The following CSMD1 variants were observed in gnomAD, a reference collection of about 807,000 sequenced individuals.
CSMD1 encodes the protein CUB and sushi domain-containing protein 1.
CSMD1 carries 213 observed loss-of-function variants against 417.5 expected under a neutral mutation model. That is an observed-to-expected ratio of 0.51 (90% CI 0.46 to 0.57). CSMD1 has a LOEUF of 0.57. CSMD1 is among the 20% of genes least tolerant of loss of function. CSMD1 has a pLI of 0.00. For missense variants in CSMD1, 6,923 were observed against 4,529.7 expected (o/e 1.53, Z -15.17); for synonymous variants, 2,862 against 1,736.8 (o/e 1.65, Z -16.11).
intron 3 of CSMD1, among the ~76,000 whole-genome samples, chr8:4,136,012 A>G (rs1190908139): frequency 6.6e-6 from 1 of 152,202 alleles, no homozygotes; most frequent in African/African-American, 2.4e-5. Context: ...ATTCAATTTC[A>G]AAAAATATTA....
At chr8:3,948,815 T>C (rs941509762) in intron 5 of CSMD1, among the ~76,000 whole-genome samples, 2 of 140,336 alleles carry the variant, frequency 1.4e-5, no homozygotes, top group Admixed American at 1.5e-4. Flanking sequence ...AGTTATCATT[T>C]TGAAGAGACA....
intron 41 of CSMD1, among the ~76,000 whole-genome samples, chr8:3,131,996 C>T (rs1335670350): frequency 6.6e-6 from 1 of 152,180 alleles, no homozygotes; most frequent in Non-Finnish European, 1.5e-5. Context: ...CCAATACCAT[C>T]ACTCCACTGG....
chr8:4,428,622 G>C (rs1470402596), intron 2 of CSMD1, among the ~76,000 whole-genome samples: 1 of 151,944 alleles, frequency 6.6e-6, no homozygotes, highest in African/African-American at 2.4e-5. Context: ...AGTTCCTTTA[G>C]GAAACACGGA....
chr8:3,714,447 G>C (rs979992957), intron 6 of CSMD1, among the ~76,000 whole-genome samples: 1 of 150,706 alleles, frequency 6.6e-6, no homozygotes, highest in African/African-American at 2.4e-5. Flanking sequence ...TTTTGACCAG[G>C]CATGGTGGTT....
At chr8:3,638,104 G>T (rs909356503) in intron 7 of CSMD1, among the ~76,000 whole-genome samples, 1 of 152,118 alleles carries the variant, frequency 6.6e-6, no homozygotes, top group African/African-American at 2.4e-5. Context: ...AAGGAGCTCA[G>T]ATTTAAACCC....
At chr8:3,826,487 G>A (rs867025852) in intron 5 of CSMD1, among the ~76,000 whole-genome samples, 2 of 152,048 alleles carry the variant, frequency 1.3e-5, no homozygotes, top group African/African-American at 4.8e-5. Flanking sequence ...CCTAGGCAGG[G>A]GGACCATGAA....
rs1163517238 is a variant in CSMD1, at chr8:3,289,003, T to A, written c.3951-4657A>T. On this transcript the variant is annotated intron_variant, in intron 25 of 69. Coordinates refer to ENST00000635120, the MANE Select transcript of CSMD1 (RefSeq NM_033225.6). ...CCCCCTACCCCACAACAGTCCCCGG[T>A]GTGTGATGTTCCCCTTCCTGTGTCC... Among the ~76,000 whole-genome samples, 49 of 138,876 alleles carry A rather than the reference T, an allele frequency of 3.5e-4. 1 individual carries two copies. The highest frequency in any genetic ancestry group is 5.5e-4 in the Admixed American group (8 of 14,428). 91.1% of individuals were successfully genotyped at this position (138,876 alleles called of 152,430 possible). A position where few individuals can be genotyped will look rare whatever the true frequency, so the allele number is the denominator to read the frequency against.
At chr8:4,425,732 A>G (rs1427576249) in intron 2 of CSMD1, among the ~76,000 whole-genome samples, 2 of 152,194 alleles carry the variant, frequency 1.3e-5, no homozygotes, top group African/African-American at 4.8e-5. Flanking sequence ...ATTTTGAAGT[A>G]AAATGGATTT....
intron 4 of CSMD1, among the ~76,000 whole-genome samples, chr8:4,003,838 A>G (rs1815893789): frequency 9.9e-6 from 1 of 100,598 alleles, no homozygotes; most frequent in African/African-American, 3.5e-5. Context: ...CAAGGTCATT[A>G]TGTGAACTAT....
In CSMD1 at chr8:4,499,444, C is replaced by T. The variant is rs189259071; in HGVS notation, c.303-79379G>A. On this transcript the variant is annotated intron_variant, in intron 2 of 69. Transcript: ENST00000635120. ...TGCACACATCTGACAGACGAAACTG[C>T]TCTTCCACAAAGAGTGATTCTGAAG... is the stretch of plus-strand genomic sequence containing the variant. Among the ~76,000 whole-genome samples, 11 of 152,324 alleles carry T rather than the reference C, an allele frequency of 7.2e-5. No individual in the cohort carries two copies. In the East Asian group the frequency reaches 2.1e-3, roughly 29 times the overall value.
chr8:4,233,791 A>T (rs928721896), intron 3 of CSMD1, among the ~76,000 whole-genome samples: 1 of 152,174 alleles, frequency 6.6e-6, no homozygotes, highest in Non-Finnish European at 1.5e-5. Flanking sequence ...GAAGTAGAGT[A>T]TCTTTAGGAT....
chr8:4,826,948 G>A (rs573291222), intron 1 of CSMD1, among the ~76,000 whole-genome samples: 2 of 152,146 alleles, frequency 1.3e-5, no homozygotes, highest in Non-Finnish European at 2.9e-5. Context: ...ACCCTTGAGT[G>A]TAAGTTTGTG....
At chr8:3,589,380 G>C (rs796303439) in intron 8 of CSMD1, among the ~76,000 whole-genome samples, 4 of 3,470 alleles carry the variant, frequency 1.2e-3, no homozygotes, top group African/African-American at 5.8e-3. Flanking sequence ...AGAAAATGTG[G>C]TGTGTGTGTG....
chr8:4,916,040 G>C (rs537274077), intron 1 of CSMD1, among the ~76,000 whole-genome samples: 2 of 152,168 alleles, frequency 1.3e-5, no homozygotes, highest in African/African-American at 2.4e-5. Context: ...GAATACACTA[G>C]ATTTGCCCTG....
chr8:4,197,156 T>G (rs1217425825), intron 3 of CSMD1, among the ~76,000 whole-genome samples: 2 of 152,228 alleles, frequency 1.3e-5, no homozygotes, highest in Non-Finnish European at 2.9e-5. Flanking sequence ...GGTTATCACC[T>G]GTTCTCCTAC....
intron 1 of CSMD1, among the ~76,000 whole-genome samples, chr8:4,852,892 C>A (rs1279197846): frequency 6.6e-6 from 1 of 152,072 alleles, no homozygotes; most frequent in African/African-American, 2.4e-5. Context: ...CCCTAGGAAT[C>A]TGTGGAAGGT....
At chr8:3,529,591 G>A (rs1394764357) in intron 10 of CSMD1, among the ~76,000 whole-genome samples, 1 of 152,154 alleles carries the variant, frequency 6.6e-6, no homozygotes, top group Non-Finnish European at 1.5e-5. Flanking sequence ...ACAGGAATGC[G>A]ATGCACATCT....
intron 1 of CSMD1, among the ~76,000 whole-genome samples, chr8:4,993,529 T>C: frequency 6.6e-6 from 1 of 151,474 alleles, no homozygotes; most frequent in East Asian, 1.9e-4. Context: ...CCCAACTCAT[T>C]CAGGGAGAAA....
chr8:2,973,212 C>G lies in CSMD1; in HGVS notation c.8828G>C (p.Arg2943Pro). ...CTGGTGCCCCATTTCACAGGAGAAG[C>G]GGAGAAGACTCTTTGTCTTAAAGTC... ...GDDFKTKSLL[R>P]FSCEMGHQLR... is the part of the protein sequence containing the mutation. Residue 2943 changes from arginine to proline, a missense_variant, in exon 57 of 70, where the codon CGC (arginine) becomes CCC (proline). Coordinates refer to ENST00000635120, the MANE Select transcript of CSMD1 (RefSeq NM_033225.6). 1 of 1,613,866 alleles carries G rather than the reference C, an allele frequency of 6.2e-7. No individual in the cohort carries two copies. The highest frequency in any genetic ancestry group is 8.5e-7 in the Non-Finnish European group (1 of 1,179,836).
Sources: allele counts gnomAD v4.1 joint callset (sites outside exome capture counted in the v4.1 genomes callset), GRCh38; gene constraint gnomAD v4.1.1; transcripts MANE v1.5; gene names NCBI Gene and HGNC (gene_info 2026-07-23, HGNC 2026-07-21).